FAM135B: variants seen among roughly 807,000 people sequenced by gnomAD.
The protein encoded by FAM135B is family with sequence similarity 135 member B.
Under a neutral mutation model 127.7 loss-of-function variants are expected in FAM135B, and 43 were observed. The ratio of observed to expected loss-of-function variants is 0.34; its 90% CI spans 0.26 to 0.43. The LOEUF (loss-of-function observed/expected upper bound fraction) is 0.43. Among genes scored for constraint, FAM135B ranks in the 20% least tolerant of loss-of-function variants. The pLI, the probability that FAM135B is intolerant of heterozygous loss-of-function variation, is 1.00. For synonymous variants in FAM135B, 670 were observed against 665.1 expected, an observed-to-expected ratio of 1.01 and a Z score of -0.11; for missense variants, 1,558 against 1,725.6, an observed-to-expected ratio of 0.90 and a Z score of 1.72.
At chr8:138,245,660 A>G (rs971843985) in intron 6 of FAM135B, among the ~76,000 whole-genome samples, 10 of 152,204 alleles carry the variant, frequency 6.6e-5, no homozygotes, top group African/African-American at 2.4e-4. Flanking sequence ...TCACAGCAGC[A>G]TAAGAATGGA....
Position 138,132,937 on chromosome 8 carries a change from G to C in FAM135B, c.4016-139C>G, listed in dbSNP as rs1478417680. 1.4e-6 allele frequency: 1 copy of C among 698,702 alleles called. No individual in the cohort carries two copies. Among genetic ancestry groups the C allele is most frequent in the East Asian group, 2.6e-5 (1 of 38,866 alleles). 43.3% of individuals were successfully genotyped at this position (698,702 alleles called of 1,614,324 possible). A position where few individuals can be genotyped will look rare whatever the true frequency, so the allele number is the denominator to read the frequency against. ...AGTTTCCAACCTCTTCCTAATGTTA[G>C]TGAAATTAATATGAAATAAAATCAA... is the stretch of plus-strand genomic sequence containing the variant. On this transcript the variant is annotated intron_variant, in intron 19 of 19. Transcript: ENST00000395297. This position sits in a 1 kb window ranked among gnomAD's most constrained non-coding sequence, Gnocchi z 4.5.
At chr8:138,432,195 G>A (rs59138673) in intron 1 of FAM135B, among the ~76,000 whole-genome samples, 7,017 of 152,256 alleles carry the variant, frequency 0.046, 261 homozygotes, top group East Asian at 0.19. Flanking sequence ...GAAAGTGATT[G>A]TAGTCAGCAT....
intron 5 of FAM135B, among the ~76,000 whole-genome samples, chr8:138,252,625 T>C (rs923088493): frequency 2.6e-5 from 4 of 152,154 alleles, no homozygotes; most frequent in African/African-American, 9.7e-5. Context: ...CTGGTGGTGG[T>C]GCAGGGAGGT....
chr8:138,338,561 T>C (rs1316494375), intron 2 of FAM135B, among the ~76,000 whole-genome samples: 2 of 151,534 alleles, frequency 1.3e-5, no homozygotes, highest in African/African-American at 2.4e-5. Flanking sequence ...CACAATGAGA[T>C]ACCATCTCAC....
At chr8:138,368,126 C>T (rs1452911374) in intron 1 of FAM135B, 124 bp from the exon 2 acceptor site, 6 of 655,732 alleles carry the variant, frequency 9.2e-6, no homozygotes, top group Admixed American at 2.6e-5. Context: ...GTCCACTGAA[C>T]GTCACCACTC....
At chr8:138,177,628 A>G (rs1814599710) in intron 10 of FAM135B, among the ~76,000 whole-genome samples, 1 of 152,194 alleles carries the variant, frequency 6.6e-6, no homozygotes, top group South Asian at 2.1e-4. Context: ...CACTTGGTTT[A>G]TGAACACACG....
Position 138,154,564 on chromosome 8 carries a change from G to A in FAM135B, c.1259-1348C>T, listed in dbSNP as rs1364850497. Among the ~76,000 whole-genome samples, 4 of 152,000 alleles carry A rather than the reference G, an allele frequency of 2.6e-5. No individual in the cohort carries two copies. In the South Asian group the frequency reaches 8.3e-4, roughly 32 times the overall value. On this transcript the variant is annotated intron_variant, in intron 12 of 19. Coordinates refer to ENST00000395297, the MANE Select transcript of FAM135B (RefSeq NM_015912.4). ...ACCTTGAAAAAAGATTAGACAAATG[G>A]CTAACTAGAATAAACAGCATAGAGA... is the stretch of plus-strand genomic sequence containing the variant.
chr8:138,295,125 T>C (rs1825387050), intron 3 of FAM135B, among the ~76,000 whole-genome samples: 1 of 106,922 alleles, frequency 9.4e-6, no homozygotes, highest in African/African-American at 3.4e-5. Context: ...TTTTTTTTTT[T>C]TTTTTGGGTA....
chr8:138,362,366 T>C (rs1317967733), intron 2 of FAM135B, among the ~76,000 whole-genome samples: 1 of 149,664 alleles, frequency 6.7e-6, no homozygotes, highest in African/African-American at 2.5e-5. Context: ...TCTCCTCAAG[T>C]AGTATTGTGC....
intron 1 of FAM135B, among the ~76,000 whole-genome samples, chr8:138,430,334 G>A (rs1035663116): frequency 2.0e-5 from 3 of 152,140 alleles, no homozygotes; most frequent in Non-Finnish European, 2.9e-5. Context: ...AACACTGCAA[G>A]GACAATTAGT....
At chr8:138,406,440 G>A (rs1311380840) in intron 1 of FAM135B, among the ~76,000 whole-genome samples, 1 of 151,194 alleles carries the variant, frequency 6.6e-6, no homozygotes, top group Non-Finnish European at 1.5e-5. Context: ...ACCAAAGCCG[G>A]GCAGAGACAC....
At chr8:138,417,478 C>T (rs1834234332) in intron 1 of FAM135B, among the ~76,000 whole-genome samples, 2 of 152,200 alleles carry the variant, frequency 1.3e-5, no homozygotes, top group South Asian at 4.1e-4. Flanking sequence ...CCCACAATCT[C>T]CCCTGGCTGC....
At chr8:138,342,746 A>G (rs1014633134) in intron 2 of FAM135B, among the ~76,000 whole-genome samples, 5 of 152,228 alleles carry the variant, frequency 3.3e-5, no homozygotes, top group Non-Finnish European at 7.3e-5. Flanking sequence ...CCGAGTTCAG[A>G]TATTCCTGCT....
chr8:138,491,774 A>AGG (rs1016424387), intron 1 of FAM135B, among the ~76,000 whole-genome samples: 1 of 152,224 alleles, frequency 6.6e-6, no homozygotes, highest in African/African-American at 2.4e-5. Context: ...GTAGGTGGTA[A>AGG]GGGTGGGCTA....
chr8:138,227,585 T>A (rs1819555536), intron 7 of FAM135B, among the ~76,000 whole-genome samples: 1 of 152,196 alleles, frequency 6.6e-6, no homozygotes, highest in African/African-American at 2.4e-5. Context: ...ACAAGCTTAA[T>A]GTATACAGTT....
chr8:138,369,619 TTC>T (rs1346611755), intron 1 of FAM135B, among the ~76,000 whole-genome samples: 1 of 151,980 alleles, frequency 6.6e-6, no homozygotes, highest in Non-Finnish European at 1.5e-5. Context: ...AAAAACCCAT[TTC>T]CCAATGAAGA....
At position 138,261,289 on chromosome 8, in the gene FAM135B, C is replaced by T. The variant is rs564539780; in HGVS notation, c.297+4414G>A. Among the ~76,000 whole-genome samples, 5 of 152,276 alleles carry T rather than the reference C, an allele frequency of 3.3e-5. No homozygotes were observed. In the South Asian group the frequency reaches 1.0e-3, roughly 32 times the overall value. ...CCAAGGAATCACACTTTGGAAAATGCTTTTCCTTTTTAAGCCTACGAAAAT... is the reference window on the plus strand; with the variant it reads ...CCAAGGAATCACACTTTGGAAAATGTTTTTCCTTTTTAAGCCTACGAAAAT... On this transcript the variant is annotated intron_variant, in intron 4 of 19. Transcript: ENST00000395297.
At chr8:138,431,544 G>A (rs1305473748) in intron 1 of FAM135B, among the ~76,000 whole-genome samples, 1 of 152,292 alleles carries the variant, frequency 6.6e-6, no homozygotes, top group East Asian at 1.9e-4. Context: ...CTTTATGGCT[G>A]CTTTCATGTG....
At position 138,320,555 on chromosome 8, in the gene FAM135B, G is replaced by C. The variant is rs993303903; in HGVS notation, c.78-9635C>G. Among the ~76,000 whole-genome samples the C allele has an allele frequency of 2.0e-5, 3 of 152,164 alleles. No individual in the cohort carries two copies. In the East Asian group the frequency reaches 5.8e-4, roughly 29 times the overall value. On this transcript the variant is annotated intron_variant, in intron 2 of 19. Transcript: ENST00000395297. ...TTCATTGTTTTCTCAAAAGCACCTTGAGAACAAGAATGCTACTATTTACTT... is the reference window on the plus strand; with the variant it reads ...TTCATTGTTTTCTCAAAAGCACCTTCAGAACAAGAATGCTACTATTTACTT...
Sources: gnomAD v4.1 joint callset for allele counts (sites outside exome capture counted in the v4.1 genomes callset) on GRCh38, gnomAD v4.1.1 for gene constraint, Gnocchi (gnomAD v3.1) non-coding constraint, MANE v1.5 for transcripts, NCBI Gene and HGNC (gene_info 2026-07-23, HGNC 2026-07-21) for gene names.